Variants in BANK1 observed in about 807,000 individuals in gnomAD.
The protein encoded by BANK1 is B-cell scaffold protein with ankyrin repeats.
A neutral mutation model predicts 94.5 loss-of-function variants in BANK1; 95 were observed. The ratio of observed to expected loss-of-function variants is 1.00; its 90% CI spans 0.85 to 1.19. The LOEUF (loss-of-function observed/expected upper bound fraction) is 1.19. Among genes scored for constraint, BANK1 ranks in the 50% most tolerant of loss-of-function variants. The pLI is 0.00. For synonymous variants in BANK1, 334 were observed against 308.4 expected (o/e 1.08, Z -0.87); for missense variants, 987 against 932.2 (o/e 1.06, Z -0.77).
rs569996423 is a variant in BANK1 at position 102,009,131 on chromosome 4, A to G, written c.1207-12383A>G. Among the ~76,000 whole-genome samples, 11 of 152,324 alleles carry G rather than the reference A, an allele frequency of 7.2e-5. No homozygotes were observed. In the East Asian group the frequency reaches 2.1e-3, roughly 29 times the overall value. Reference sequence around the variant, plus strand: ...GAGAGTAGGCCTTCTGTTGTTTTTCATAATTCAGACAACAGTCAATACGGT... The same window carrying G: ...GAGAGTAGGCCTTCTGTTGTTTTTCGTAATTCAGACAACAGTCAATACGGT... On this transcript the variant is annotated intron_variant, in intron 7 of 16. Coordinates refer to ENST00000322953, the MANE Select transcript of BANK1 (RefSeq NM_017935.5).
chr4:101,930,966 T>C (rs529483105), intron 7 of BANK1, among the ~76,000 whole-genome samples: 1 of 151,712 alleles, frequency 6.6e-6, no homozygotes, highest in African/African-American at 2.4e-5. Flanking sequence ...AAATTCAGTT[T>C]TACCTGTGTT....
chr4:101,962,016 T>G (rs1724587526), intron 7 of BANK1, among the ~76,000 whole-genome samples: 1 of 152,146 alleles, frequency 6.6e-6, no homozygotes, highest in African/African-American at 2.4e-5. Context: ...TTTTCGTGCC[T>G]CCCTGGTGAA....
intron 13 of BANK1, among the ~76,000 whole-genome samples, chr4:102,064,124 C>G (rs1482233843): frequency 6.6e-6 from 1 of 152,162 alleles, no homozygotes; most frequent in Admixed American, 6.5e-5. Flanking sequence ...AAACTAGCAG[C>G]CACTAAAAGA....
chr4:101,828,611 C>T (rs942935980), intron 1 of BANK1, among the ~76,000 whole-genome samples: 4 of 151,892 alleles, frequency 2.6e-5, no homozygotes, highest in African/African-American at 4.8e-5. Flanking sequence ...TTATGTCTTT[C>T]GATTCATCCA....
At chr4:101,897,207 A>G (rs1459893608) in intron 6 of BANK1, among the ~76,000 whole-genome samples, 1 of 152,002 alleles carries the variant, frequency 6.6e-6, no homozygotes, top group Non-Finnish European at 1.5e-5. Context: ...AGAGAAAGGA[A>G]AAAGGAATTC....
At chr4:101,812,471 G>A (rs190944502) in intron 1 of BANK1, among the ~76,000 whole-genome samples, 1 of 151,950 alleles carries the variant, frequency 6.6e-6, no homozygotes, top group Non-Finnish European at 1.5e-5. Flanking sequence ...ATTAAGCAGT[G>A]AGATTCATTA....
At chr4:101,918,306 T>C (rs1386541094) in intron 7 of BANK1, 117 bp downstream of exon 7, 2 of 545,014 alleles carry the variant, frequency 3.7e-6, no homozygotes, top group East Asian at 6.2e-5. Flanking sequence ...GTTAAGGCAC[T>C]ATTAGGCACA....
At chr4:101,964,562 T>G (rs1477946643) in intron 7 of BANK1, among the ~76,000 whole-genome samples, 3 of 152,084 alleles carry the variant, frequency 2.0e-5, no homozygotes, top group Non-Finnish European at 4.4e-5. Context: ...TTAACTAGCA[T>G]GTACCTTTAA....
At position 101,913,234 on chromosome 4, in the gene BANK1, G is replaced by T. The variant is rs367932980; in HGVS notation, c.1010-4759G>T. Among the ~76,000 whole-genome samples, 4 of 152,104 alleles carry T rather than the reference G, an allele frequency of 2.6e-5. 1 individual carries two copies. The East Asian group carries it at 5.8e-4, about 22-fold the overall frequency. ...TTTTTTTAATGAATGTAGAGGAAAA[G>T]AATGCAAACACATTTGTATAGAAAT... On this transcript the variant is annotated intron_variant, in intron 6 of 16. Coordinates refer to ENST00000322953, the MANE Select transcript of BANK1 (RefSeq NM_017935.5).
At chr4:102,051,906 A>C (rs376891868) in intron 11 of BANK1, among the ~76,000 whole-genome samples, 9 of 152,220 alleles carry the variant, frequency 5.9e-5, no homozygotes, top group African/African-American at 1.9e-4. Flanking sequence ...ACTTAGATAC[A>C]TAGTGCCAGG....
chr4:102,024,611 T>C (rs1727016899), intron 8 of BANK1, among the ~76,000 whole-genome samples: 1 of 152,116 alleles, frequency 6.6e-6, no homozygotes, highest in Non-Finnish European at 1.5e-5. Context: ...ATTTACCTAC[T>C]GTTGGTGATT....
intron 3 of BANK1, among the ~76,000 whole-genome samples, chr4:101,859,970 T>C (rs1727807694): frequency 6.6e-6 from 1 of 152,086 alleles, no homozygotes; most frequent in South Asian, 2.1e-4. Context: ...AACAGTCAAA[T>C]GATGGTTATG....
intron 7 of BANK1, among the ~76,000 whole-genome samples, chr4:101,979,914 T>C (rs1283626207): frequency 6.6e-6 from 1 of 151,856 alleles, no homozygotes; most frequent in Non-Finnish European, 1.5e-5. Flanking sequence ...AGATGAAACA[T>C]ATTTTCCTAT....
intron 7 of BANK1, among the ~76,000 whole-genome samples, chr4:101,934,210 G>A (rs1723452341): frequency 6.6e-6 from 1 of 151,440 alleles, no homozygotes; most frequent in Non-Finnish European, 1.5e-5. Flanking sequence ...AGCAGCCTAA[G>A]GGTATGCTGA....
intron 7 of BANK1, among the ~76,000 whole-genome samples, chr4:101,985,521 A>G (rs1214149273): frequency 6.6e-6 from 1 of 152,064 alleles, no homozygotes; most frequent in Non-Finnish European, 1.5e-5. Context: ...CCATAGTAGG[A>G]TTTCATAATA....
chr4:101,951,141 A>G (rs1324472831), intron 7 of BANK1, among the ~76,000 whole-genome samples: 3 of 152,176 alleles, frequency 2.0e-5, no homozygotes, highest in Non-Finnish European at 4.4e-5. Flanking sequence ...TTTGCTCAGC[A>G]TTACAAAGGT....
At chr4:101,990,259 A>G (rs1725655814) in intron 7 of BANK1, among the ~76,000 whole-genome samples, 1 of 152,196 alleles carries the variant, frequency 6.6e-6, no homozygotes, top group Non-Finnish European at 1.5e-5. Context: ...AGCAAACAAA[A>G]GCAATACTCT....
At chr4:102,003,000 A>G (rs1726129833) in intron 7 of BANK1, among the ~76,000 whole-genome samples, 1 of 152,152 alleles carries the variant, frequency 6.6e-6, no homozygotes, top group Non-Finnish European at 1.5e-5. Flanking sequence ...GCCTCAAGTG[A>G]TCCGCCCACC....
intron 10 of BANK1, among the ~76,000 whole-genome samples, chr4:102,034,661 A>G (rs1727439837): frequency 6.6e-6 from 1 of 152,228 alleles, no homozygotes; most frequent in Admixed American, 6.5e-5. Flanking sequence ...TCATCTTCTT[A>G]TAATAATTAT....
Sources: gnomAD v4.1 joint callset for allele counts (sites outside exome capture counted in the v4.1 genomes callset) on GRCh38, gnomAD v4.1.1 for gene constraint, MANE v1.5 for transcripts, NCBI Gene and HGNC (gene_info 2026-07-23, HGNC 2026-07-21) for gene names.